The following SPAG16 variants were observed in gnomAD, a reference collection of about 807,000 sequenced individuals.
SPAG16 encodes sperm associated antigen 16.
SPAG16 carries 86 observed loss-of-function variants against 80.4 expected under a neutral mutation model. The observed-to-expected ratio is 1.07, with a 90% CI of 0.90 to 1.28. SPAG16 has a LOEUF of 1.28. Ranked by LOEUF, SPAG16 falls within the 50% of genes most tolerant of loss-of-function variation. SPAG16 has a pLI of 0.00. For synonymous variants in SPAG16, 294 were observed against 265.9 expected, an observed-to-expected ratio of 1.11 and a Z score of -1.03; for missense variants, 870 against 765.3, an observed-to-expected ratio of 1.14 and a Z score of -1.61.
At chr2:213,553,649 A>T (rs1240723959) in intron 10 of SPAG16, among the ~76,000 whole-genome samples, 1 of 152,162 alleles carries the variant, frequency 6.6e-6, no homozygotes, top group Admixed American at 6.5e-5. Context: ...AACTGTGGCT[A>T]CTTCACGAGT....
At chr2:213,636,307 G>A (rs7586466) in intron 10 of SPAG16, among the ~76,000 whole-genome samples, 62,243 of 151,936 alleles carry the variant, frequency 0.41, 13,259 homozygotes, top group Middle Eastern at 0.51. Flanking sequence ...CCATTGGTCT[G>A]TGTGCCTATT....
intron 15 of SPAG16, among the ~76,000 whole-genome samples, chr2:214,298,765 A>T (rs1382784140): frequency 6.6e-6 from 1 of 152,024 alleles, no homozygotes. Flanking sequence ...CCTAGGCTCG[A>T]TTTCTTTTTC....
chr2:213,508,192 T>G (rs1390982256), intron 10 of SPAG16, among the ~76,000 whole-genome samples: 1 of 152,184 alleles, frequency 6.6e-6, no homozygotes, highest in Non-Finnish European at 1.5e-5. Flanking sequence ...AGCAAAGACT[T>G]GGATCCAAGC....
intron 10 of SPAG16, among the ~76,000 whole-genome samples, chr2:213,730,683 G>T (rs2066991195): frequency 6.6e-6 from 1 of 152,154 alleles, no homozygotes; most frequent in Non-Finnish European, 1.5e-5. Flanking sequence ...TGTTCTCTGA[G>T]CTTCCTGAAT....
intron 12 of SPAG16, among the ~76,000 whole-genome samples, chr2:214,013,179 C>CTTTTT (rs11382197): frequency 7.2e-6 from 1 of 138,930 alleles, no homozygotes; most frequent in Non-Finnish European, 1.5e-5. Context: ...AGTATTTTGT[C>CTTTTT]TTTTTTTTTT....
At chr2:213,309,982 T>C in intron 3 of SPAG16, 77 bp from the exon 4 acceptor site, 3 of 849,100 alleles carry the variant, frequency 3.5e-6, no homozygotes, top group Non-Finnish European at 5.5e-6. Context: ...GATGAATGAA[T>C]GAGTCGAAGG....
At chr2:213,909,155 G>A (rs946156869) in intron 11 of SPAG16, among the ~76,000 whole-genome samples, 4 of 152,070 alleles carry the variant, frequency 2.6e-5, no homozygotes, top group African/African-American at 9.7e-5. Context: ...AAATACTTAG[G>A]AATCCAACTT....
At chr2:214,155,371 CTT>C (rs1328137423) in intron 15 of SPAG16, among the ~76,000 whole-genome samples, 4 of 152,152 alleles carry the variant, frequency 2.6e-5, no homozygotes, top group African/African-American at 9.7e-5. Flanking sequence ...AGCTTGGCCT[CTT>C]TTCATATATG....
At chr2:213,964,703 A>G (rs896806273) in intron 12 of SPAG16, among the ~76,000 whole-genome samples, 3 of 151,566 alleles carry the variant, frequency 2.0e-5, no homozygotes, top group African/African-American at 7.3e-5. Flanking sequence ...CTCAAAATAG[A>G]ATAAAAATGA....
intron 10 of SPAG16, among the ~76,000 whole-genome samples, chr2:213,649,052 C>CT (rs1355762584): frequency 6.6e-6 from 1 of 152,130 alleles, no homozygotes; most frequent in Non-Finnish European, 1.5e-5. Flanking sequence ...TCTGTCTTCA[C>CT]TTTTTTTGGT....
At chr2:213,712,844 C>G (rs1349044027) in intron 10 of SPAG16, among the ~76,000 whole-genome samples, 1 of 152,114 alleles carries the variant, frequency 6.6e-6, no homozygotes, top group Non-Finnish European at 1.5e-5. Context: ...TAGACAGCTT[C>G]CCTGCTTACC....
rs767532767 is a variant in SPAG16, at chr2:213,284,493, C to T, written c.10C>T (p.Gln4Ter). ...GCCCGAAGCGCCAGAGATGGCTGCT[C>T]AGCGAGGGATGCCCAGCTCCGCCGT... The part of the protein sequence containing the change: MAA[Q>*]RGMPSSAVRV... Residue 4 changes from glutamine (Q) to a stop codon, truncating the protein, a stop_gained, in exon 1 of 16, where the codon CAG becomes TAG. Coordinates refer to ENST00000331683, the MANE Select transcript of SPAG16 (RefSeq NM_024532.5). LOFTEE classifies it high-confidence loss of function. The T allele has an allele frequency of 1.0e-5, 16 of 1,569,926 alleles. No individual in the cohort carries two copies. The highest frequency in any genetic ancestry group is 2.3e-5 in the East Asian group (1 of 42,660).
chr2:214,383,265 G>A (rs1490289906), intron 15 of SPAG16, among the ~76,000 whole-genome samples: 1 of 152,004 alleles, frequency 6.6e-6, no homozygotes, highest in Non-Finnish European at 1.5e-5. Flanking sequence ...AATCAAAAGA[G>A]GCCCCCAAAA....
intron 9 of SPAG16, among the ~76,000 whole-genome samples, chr2:213,428,198 G>C (rs79787098): frequency 0.011 from 1,638 of 152,288 alleles, 30 homozygotes; most frequent in African/African-American, 0.037. Flanking sequence ...CTGTGTGGTG[G>C]TGTCTGACTG....
At chr2:213,886,892 G>A (rs1253770383) in intron 11 of SPAG16, among the ~76,000 whole-genome samples, 1 of 152,112 alleles carries the variant, frequency 6.6e-6, no homozygotes, top group Admixed American at 6.6e-5. Flanking sequence ...TATCATAACA[G>A]TTGGAGAGAA....
intron 15 of SPAG16, among the ~76,000 whole-genome samples, chr2:214,341,107 A>G (rs1439713462): frequency 6.6e-6 from 1 of 152,186 alleles, no homozygotes; most frequent in African/African-American, 2.4e-5. Flanking sequence ...ATAGTGCCTA[A>G]AAGGGAACAA....
At chr2:213,309,481 G>C (rs543183509) in intron 3 of SPAG16, among the ~76,000 whole-genome samples, 1 of 152,098 alleles carries the variant, frequency 6.6e-6, no homozygotes, top group East Asian at 1.9e-4. Flanking sequence ...AGCATTAAAA[G>C]GTCCATGCAT....
chr2:213,527,305 G>C (rs976052660), intron 10 of SPAG16, among the ~76,000 whole-genome samples: 1 of 152,190 alleles, frequency 6.6e-6, no homozygotes, highest in Non-Finnish European at 1.5e-5. Flanking sequence ...CCTACAAGCT[G>C]CTTGGTTTTA....
At chr2:214,038,748 T>G (rs1485082832) in intron 13 of SPAG16, among the ~76,000 whole-genome samples, 1 of 147,748 alleles carries the variant, frequency 6.8e-6, no homozygotes, top group African/African-American at 2.5e-5. Context: ...TGTGTCCATG[T>G]GTTCTCATTG....
Sources: allele counts gnomAD v4.1 joint callset (sites outside exome capture counted in the v4.1 genomes callset), GRCh38; gene constraint gnomAD v4.1.1; transcripts MANE v1.5; gene names NCBI Gene and HGNC (gene_info 2026-07-23, HGNC 2026-07-21).